RUFY1: variants seen among roughly 807,000 people sequenced by gnomAD.
RUFY1 encodes the protein RUN and FYVE domain containing 1.
RUFY1 carries 54 observed loss-of-function variants against 94.6 expected under a neutral mutation model. The ratio of observed to expected loss-of-function variants is 0.57; its 90% CI spans 0.46 to 0.72. The LOEUF (loss-of-function observed/expected upper bound fraction) is 0.72, where lower values mean the gene tolerates loss of function less well. Among genes scored for constraint, RUFY1 ranks in the 30% least tolerant of loss-of-function variants. RUFY1 has a pLI of 0.00. For synonymous variants in RUFY1, 396 were observed against 347.3 expected (o/e 1.14, Z -1.56); for missense variants, 883 against 883.9 (o/e 1.00, Z 0.01).
chr5:179,593,767 C>T lies in RUFY1; in HGVS notation c.1413+122C>T, dbSNP rs532926280. 9.2e-5 allele frequency: 129 copies of T among 1,405,238 alleles called. 3 individuals are homozygous for T. In the South Asian group the frequency reaches 1.6e-3, roughly 17 times the overall value. The allele number at this position is 1,405,238 out of a possible 1,614,324, so 87.0% of individuals were successfully genotyped here. On this transcript the variant is annotated intron_variant, in intron 11 of 17. Coordinates refer to ENST00000319449, the MANE Select transcript of RUFY1 (RefSeq NM_025158.5). ...GCCCCTCGTATGTGTCAGACCTGCT[C>T]CTAGGACCTATTATGATTTTGATCC...
chr5:179,592,215 G>A (rs186464913), intron 10 of RUFY1, among the ~76,000 whole-genome samples: 81 of 152,220 alleles, frequency 5.3e-4, no homozygotes, highest in African/African-American at 1.9e-3. Flanking sequence ...TGCCTCCCAG[G>A]TTCAAGCAAT....
At chr5:179,584,861 CG>C (rs1562038586) in intron 7 of RUFY1, among the ~76,000 whole-genome samples, 1 of 152,124 alleles carries the variant, frequency 6.6e-6, no homozygotes, top group African/African-American at 2.4e-5. Flanking sequence ...TGGGACCGGG[CG>C]CAGTGGCTCA....
At position 179,569,757 on chromosome 5, in the gene RUFY1, T is replaced by G. The variant is rs115385319; in HGVS notation, c.828+332T>G. Among the ~76,000 whole-genome samples, 1,034 of 152,122 alleles carry G rather than the reference T, an allele frequency of 6.8e-3. 13 individuals carry two copies. Among genetic ancestry groups the G allele is most frequent in the Middle Eastern group, 0.021 (6 of 292 alleles). ...AGGGTGTAGCTTTTTTGTTGTTGTT[T>G]TTTTTGAGACGGAGTCTCGTTGTGT... On this transcript the variant is annotated intron_variant, in intron 5 of 17. Transcript: ENST00000319449.
At position 179,585,699 on chromosome 5, in the gene RUFY1, A is replaced by G. The variant is rs1764554931; in HGVS notation, c.957-97A>G. ...TGGAGACCCTCTGCCTTTCCATTTC[A>G]TACAGGAAATCTAGGAATCTCTCTT... On this transcript the variant is annotated intron_variant, in intron 7 of 17. Transcript: ENST00000319449. 5.6e-6 allele frequency: 5 copies of G among 890,228 alleles called. No homozygotes were observed. The South Asian group carries it at 7.4e-5, about 13-fold the overall frequency. 55.1% of individuals were successfully genotyped at this position (890,228 alleles called of 1,614,324 possible).
intron 7 of RUFY1, among the ~76,000 whole-genome samples, chr5:179,584,294 A>C (rs774007387): frequency 2.0e-5 from 3 of 152,194 alleles, no homozygotes; most frequent in Non-Finnish European, 2.9e-5. Context: ...CTTTGGCAGC[A>C]TGACCTGTTG....
rs199841816 is a variant in RUFY1, at chr5:179,596,725, G to A, written c.1631+44G>A. The A allele has an allele frequency of 1.7e-5, 25 of 1,489,032 alleles. No homozygotes were observed. The Admixed American group carries it at 4.0e-4, about 24-fold the overall frequency. 92.2% of individuals were successfully genotyped at this position (1,489,032 alleles called of 1,614,324 possible). A position where few individuals can be genotyped will look rare whatever the true frequency, so the allele number is the denominator to read the frequency against. On this transcript the variant is annotated intron_variant, in intron 13 of 17. Transcript: ENST00000319449. ...GCCTGGGCTGGGGTGTGGCTCAGGA[G>A]GGACTGGGAAGAACTGGGGACAGGT... is the stretch of plus-strand genomic sequence containing the variant.
chr5:179,598,975 A>G (rs979890868), intron 14 of RUFY1, among the ~76,000 whole-genome samples, 154 bp downstream of exon 14: 4 of 152,232 alleles, frequency 2.6e-5, no homozygotes, highest in Non-Finnish European at 1.5e-5. Context: ...TTTTAGGAGC[A>G]TAAGACAAAG....
rs147457800 is a variant in RUFY1 at position 179,594,794 on chromosome 5, C to T, written c.1414-72C>T. 32 of 808,766 alleles carry T rather than the reference C, an allele frequency of 4.0e-5. No individual in the cohort carries two copies. In the Admixed American group the frequency reaches 7.1e-4, roughly 18 times the overall value. 50.1% of individuals were successfully genotyped at this position (808,766 alleles called of 1,614,324 possible). A position where few individuals can be genotyped will look rare whatever the true frequency, so the allele number is the denominator to read the frequency against. On this transcript the variant is annotated intron_variant, in intron 11 of 17. Coordinates refer to ENST00000319449, the MANE Select transcript of RUFY1 (RefSeq NM_025158.5). ...AAAAAAAAAAAAAAAGCAAATAAGCCCTGTTTGTAATCCAGAGCAGGTGCA... is the reference window on the plus strand; with the variant it reads ...AAAAAAAAAAAAAAAGCAAATAAGCTCTGTTTGTAATCCAGAGCAGGTGCA...
chr5:179,578,366 A>G (rs1253790931), intron 6 of RUFY1, among the ~76,000 whole-genome samples: 1 of 150,240 alleles, frequency 6.7e-6, no homozygotes, highest in Non-Finnish European at 1.5e-5. Context: ...GGCGTTCCCC[A>G]TCATGCCTGG....
chr5:179,580,241 G>GTGTGTGTGTGTATATA (rs149099074), intron 6 of RUFY1, among the ~76,000 whole-genome samples: 1,164 of 93,826 alleles, frequency 0.012, 22 homozygotes, highest in Middle Eastern at 0.034. Context: ...GTGTGTGTGT[G>GTGTGTGTGTGTATATA]TATATTTTTT....
At position 179,598,717 on chromosome 5, in the gene RUFY1, T is replaced by C; in HGVS notation, c.1657T>C (p.Ser553Pro). 1 of 1,613,758 alleles carries C rather than the reference T, an allele frequency of 6.2e-7. No homozygotes were observed. The highest frequency in any genetic ancestry group is 8.5e-7 in the Non-Finnish European group (1 of 1,179,928). Residue 553 changes from serine (S) to proline (P), a missense_variant, in exon 14 of 18, where the codon TCA becomes CCA. Transcript: ENST00000319449. ...CTCAAGCCTGGAGAAAGAATTGAAA[T>C]CAGAAAAAGAGCAAAGACAGGCTCT... ...QCSSLEKELK[S>P]EKEQRQALQR...
At chr5:179,587,409 C>T (rs1490274662) in intron 8 of RUFY1, among the ~76,000 whole-genome samples, 1 of 127,656 alleles carries the variant, frequency 7.8e-6, no homozygotes, top group Admixed American at 8.9e-5. Flanking sequence ...GAGACAGAGT[C>T]TTGCTCTGTC....
In RUFY1 at chr5:179,587,880, AAGTT is replaced by A. The variant is rs1764739382; in HGVS notation, c.1027-1663_1027-1660del. Among the ~76,000 whole-genome samples, 13 of 151,920 alleles carry A rather than the reference AAGTT, an allele frequency of 8.6e-5. No homozygotes were observed. The South Asian group carries it at 2.5e-3, about 29-fold the overall frequency. On this transcript the variant is annotated intron_variant, in intron 8 of 17. Transcript: ENST00000319449. ...CACCCTGTCTCTACAAAAAATTTAA[AAGTT>A]AGCTGTGGTGACACACACCTGTACT...
intron 6 of RUFY1, among the ~76,000 whole-genome samples, chr5:179,580,404 G>A (rs1328277765): frequency 5.9e-5 from 9 of 151,522 alleles, no homozygotes; most frequent in Non-Finnish European, 7.4e-5. Context: ...CACCACGCCC[G>A]GCTAATTTTT....
Position 179,550,599 on chromosome 5 carries a change from T to TGGGCGG in RUFY1, c.38_43dup (p.Gly13_Arg14dup), listed in dbSNP as rs759059479. On this transcript the variant is annotated inframe_insertion, in exon 1 of 18. Transcript: ENST00000319449. ...CCGACCGGGAAGGCGGCTGCGCTGC[T>TGGGCGG]GGGCGGGGGCGGGAGCTGGAGCCGG... 2.3e-5 allele frequency: 29 copies of TGGGCGG among 1,255,970 alleles called. No individual in the cohort carries two copies. Among genetic ancestry groups the TGGGCGG allele is most frequent in the Middle Eastern group, 2.7e-4 (1 of 3,760 alleles). 77.8% of individuals were successfully genotyped at this position (1,255,970 alleles called of 1,614,324 possible).
intron 15 of RUFY1, among the ~76,000 whole-genome samples, chr5:179,604,624 G>C: frequency 6.6e-6 from 1 of 152,154 alleles, no homozygotes; most frequent in East Asian, 1.9e-4. Flanking sequence ...CCAGAGACCT[G>C]CCATTTTGTC....
chr5:179,607,749 C>A, intron 17 of RUFY1, 90 bp downstream of exon 17: 4 of 1,124,784 alleles, frequency 3.6e-6, no homozygotes, highest in Non-Finnish European at 2.7e-6. Context: ...CATATCAGAG[C>A]AGGCTCACTG....
In RUFY1 at chr5:179,577,859, CAAAAAAAA is replaced by C. The variant is rs35539667; in HGVS notation, c.890+737_890+744del. Among the ~76,000 whole-genome samples, 116 of 134,332 alleles carry C rather than the reference CAAAAAAAA, an allele frequency of 8.6e-4. 3 individuals carry two copies. In the South Asian group the frequency reaches 0.016, roughly 18 times the overall value. 88.1% of individuals were successfully genotyped at this position (134,332 alleles called of 152,430 possible). A position where few individuals can be genotyped will look rare whatever the true frequency, so the allele number is the denominator to read the frequency against. ...CGGGTAATGAGGCTCTTCTCTGCAG[CAAAAAAAA>C]AAAAAAAAAAAAATTCTGGCAAAGA... is the stretch of plus-strand genomic sequence containing the variant. On this transcript the variant is annotated intron_variant, in intron 6 of 17. Coordinates refer to ENST00000319449, the MANE Select transcript of RUFY1 (RefSeq NM_025158.5).
intron 3 of RUFY1, chr5:179,562,869 A>C: frequency 2.0e-6 from 1 of 508,714 alleles, no homozygotes; most frequent in Non-Finnish European, 3.5e-6. Flanking sequence ...TGCTTGCCAC[A>C]CAGGCCAAAT....
Sources: gnomAD v4.1 joint callset for allele counts (sites outside exome capture counted in the v4.1 genomes callset) on GRCh38, gnomAD v4.1.1 for gene constraint, MANE v1.5 for transcripts, NCBI Gene and HGNC (gene_info 2026-07-23, HGNC 2026-07-21) for gene names.